PRKAR1B: variants seen among roughly 807,000 people sequenced by gnomAD.
PRKAR1B encodes protein kinase cAMP-dependent type I regulatory subunit beta.
PRKAR1B carries 22 observed loss-of-function variants against 46.5 expected under a neutral mutation model. The observed-to-expected ratio is 0.47, with a 90% CI of 0.34 to 0.68. PRKAR1B has a LOEUF of 0.68. PRKAR1B is among the 30% of genes least tolerant of loss of function. PRKAR1B has a pLI of 0.01. For synonymous variants in PRKAR1B, 259 were observed against 217.7 expected, an observed-to-expected ratio of 1.19 and a Z score of -1.67; for missense variants, 445 against 535.6, an observed-to-expected ratio of 0.83 and a Z score of 1.67.
At chr7:723,400 G>C (rs1234044296) in intron 1 of PRKAR1B, among the ~76,000 whole-genome samples, 6 of 152,260 alleles carry the variant, frequency 3.9e-5, no homozygotes, top group African/African-American at 1.2e-4. Flanking sequence ...CTGGGGACTA[G>C]TGCAGGAACA....
chr7:571,790 G>A (rs1779527333), intron 9 of PRKAR1B, among the ~76,000 whole-genome samples: 1 of 152,178 alleles, frequency 6.6e-6, no homozygotes. Flanking sequence ...GCCCGGGCGG[G>A]CACCGCCCCA....
chr7:727,122 G>C (rs1781345186), intron 1 of PRKAR1B, 88 bp downstream of exon 1: 2 of 1,143,622 alleles, frequency 1.7e-6, no homozygotes, highest in East Asian at 9.1e-5. Flanking sequence ...CGCGCCGCCC[G>C]CCCGAGGCCT....
At chr7:561,459 C>T (rs1024338193) in intron 9 of PRKAR1B, among the ~76,000 whole-genome samples, 3 of 152,218 alleles carry the variant, frequency 2.0e-5, no homozygotes, top group Non-Finnish European at 4.4e-5. Context: ...CTCCCTTCCA[C>T]CCAAATCCCT....
rs989162882 is a variant in PRKAR1B at position 680,859 on chromosome 7, AC to A, written c.178-134del. 4.9e-5 allele frequency: 51 copies of A among 1,030,822 alleles called. No homozygotes were observed. The African/African-American group carries it at 6.4e-4, about 13-fold the overall frequency. The allele number at this position is 1,030,822 out of a possible 1,614,324, so 63.9% of individuals were successfully genotyped here. On this transcript the variant is annotated intron_variant, in intron 2 of 10. Coordinates refer to ENST00000537384, the MANE Select transcript of PRKAR1B (RefSeq NM_001164760.2). ...TCGCTTGAACTCAGGAGTTGGACAT[AC>A]GGTTAGGCTTTGTGTCCCCACCCAA...
In PRKAR1B at chr7:711,513, G is replaced by T; in HGVS notation, c.-8C>A. 6.2e-7 allele frequency: 1 copy of T among 1,612,372 alleles called. No homozygotes were observed. Among genetic ancestry groups the T allele is most frequent in the Non-Finnish European group, 8.5e-7 (1 of 1,179,206 alleles). On this transcript the variant is annotated 5_prime_UTR_variant, in exon 2 of 11. Coordinates refer to ENST00000537384, the MANE Select transcript of PRKAR1B (RefSeq NM_001164760.2). ...GGCGGGCGGGGAGGCCATGGCGAGGGTGGCTGCTTCCTTCCTGTCCAGAAA... is the reference window on the plus strand; with the variant it reads ...GGCGGGCGGGGAGGCCATGGCGAGGTTGGCTGCTTCCTTCCTGTCCAGAAA...
intron 4 of PRKAR1B, among the ~76,000 whole-genome samples, chr7:657,915 T>G (rs143863222): frequency 1.3e-3 from 199 of 152,006 alleles, no homozygotes; most frequent in African/African-American, 4.5e-3. Flanking sequence ...TAATTCCCAC[T>G]GAGCCCAGCT....
intron 9 of PRKAR1B, among the ~76,000 whole-genome samples, chr7:566,447 CCAT>C (rs1338847353): frequency 2.6e-5 from 4 of 152,248 alleles, no homozygotes; most frequent in African/African-American, 4.8e-5. Flanking sequence ...ATCACCACAA[CCAT>C]CATCACCATC....
intron 6 of PRKAR1B, among the ~76,000 whole-genome samples, chr7:599,177 G>A (rs1169655034): frequency 6.6e-6 from 1 of 152,228 alleles, no homozygotes; most frequent in East Asian, 1.9e-4. Context: ...GCCGCCCGGA[G>A]GACAAAGGGG....
At chr7:569,500 A>G (rs1232956986) in intron 9 of PRKAR1B, among the ~76,000 whole-genome samples, 1 of 152,238 alleles carries the variant, frequency 6.6e-6, no homozygotes, top group Admixed American at 6.5e-5. Flanking sequence ...TGCCCGGGAC[A>G]CAGCCCGTTG....
At chr7:612,607 G>A (rs528167748) in intron 4 of PRKAR1B, among the ~76,000 whole-genome samples, 1 of 152,258 alleles carries the variant, frequency 6.6e-6, no homozygotes, top group Admixed American at 6.5e-5. Context: ...TTAGAGGAGA[G>A]GAAGGAAGGG....
At chr7:565,321 T>G (rs746166411) in intron 9 of PRKAR1B, 1 of 152,190 alleles carries the variant, frequency 6.6e-6, no homozygotes, top group Non-Finnish European at 1.5e-5. Context: ...GTCTTACTAC[T>G]AAGCAATATG....
At chr7:715,920 T>TTA (rs1191479934) in intron 1 of PRKAR1B, among the ~76,000 whole-genome samples, 2 of 152,146 alleles carry the variant, frequency 1.3e-5, no homozygotes, top group African/African-American at 2.4e-5. Context: ...TTTCACCGTG[T>TTA]TAGCCAGGAT....
chr7:549,548 A>G lies in PRKAR1B; in HGVS notation c.*882T>C, dbSNP rs778947730. ...GGCTCACGTCATCACTGCGGGATCC[A>G]AGACACATTTAAGGGACAAGTCGGT... On this transcript the variant is annotated 3_prime_UTR_variant, in exon 11 of 11. Transcript: ENST00000537384. 2.0e-5 allele frequency: 3 copies of G among 152,328 alleles called. No homozygotes were observed. The highest frequency in any genetic ancestry group is 2.1e-4 in the South Asian group (1 of 4,832). The allele number at this position is 152,328 out of a possible 1,614,324, so 9.4% of individuals were successfully genotyped here. A position where few individuals can be genotyped will look rare whatever the true frequency, so the allele number is the denominator to read the frequency against.
chr7:638,047 C>T (rs569647750), intron 4 of PRKAR1B, among the ~76,000 whole-genome samples: 106 of 152,268 alleles, frequency 7.0e-4, no homozygotes, highest in African/African-American at 2.3e-3. Context: ...GGAGAAGACG[C>T]GGGGCAGGAC....
chr7:695,964 CTTTTT>C (rs766921714), intron 2 of PRKAR1B, among the ~76,000 whole-genome samples: 1 of 102,148 alleles, frequency 9.8e-6, no homozygotes, highest in African/African-American at 4.0e-5. Context: ...GCGCCCAACC[CTTTTT>C]TTTTTTTTTT....
Position 727,217 on chromosome 7 carries a change from A to T in PRKAR1B, c.-30T>A. 1.5e-6 allele frequency: 2 copies of T among 1,350,722 alleles called. No individual in the cohort carries two copies. Among genetic ancestry groups the T allele is most frequent in the Non-Finnish European group, 9.5e-7 (1 of 1,050,586 alleles). 83.7% of individuals were successfully genotyped at this position (1,350,722 alleles called of 1,614,324 possible). On this transcript the variant is annotated 5_prime_UTR_variant, in exon 1 of 11. Transcript: ENST00000537384. ...GCCGCGCTCGCGCCCCACCTGGACG[A>T]CGCTCTGCGCGCGCTGCGCTGCTCC... is the stretch of plus-strand genomic sequence containing the variant.
chr7:620,897 C>T (rs188110264), intron 4 of PRKAR1B, among the ~76,000 whole-genome samples: 12 of 152,356 alleles, frequency 7.9e-5, no homozygotes, highest in African/African-American at 2.4e-4. Flanking sequence ...TCTCCATTAG[C>T]ATGTTTGCTC....
intron 9 of PRKAR1B, among the ~76,000 whole-genome samples, chr7:570,691 C>T (rs996626291): frequency 1.3e-5 from 2 of 152,210 alleles, no homozygotes; most frequent in Admixed American, 6.5e-5. Flanking sequence ...CCCCCAACTC[C>T]GGCCATTGCG....
intron 8 of PRKAR1B, among the ~76,000 whole-genome samples, chr7:582,896 T>A (rs1316572166): frequency 6.6e-6 from 1 of 152,224 alleles, no homozygotes; most frequent in African/African-American, 2.4e-5. Flanking sequence ...CCCTATAAAA[T>A]CTGGCGGACC....
Sources: gnomAD v4.1 joint callset for allele counts (sites outside exome capture counted in the v4.1 genomes callset) on GRCh38, gnomAD v4.1.1 for gene constraint, MANE v1.5 for transcripts, NCBI Gene and HGNC (gene_info 2026-07-23, HGNC 2026-07-21) for gene names.